Variants in TMEM117 observed in about 807,000 individuals in gnomAD.
TMEM117 encodes the protein transmembrane protein 117.
Under a neutral mutation model 52.4 loss-of-function variants are expected in TMEM117, and 27 were observed. The ratio of observed to expected loss-of-function variants is 0.51; its 90% CI spans 0.38 to 0.71. TMEM117 has a LOEUF of 0.71. TMEM117 is among the 30% of genes least tolerant of loss of function. TMEM117 has a pLI of 0.00. For synonymous variants in TMEM117, 215 were observed against 206.3 expected (o/e 1.04, Z -0.36); for missense variants, 556 against 630.5 (o/e 0.88, Z 1.26).
Position 44,153,473 on chromosome 12 carries a change from A to G in TMEM117, c.510+9849A>G, listed in dbSNP as rs531667822. Among the ~76,000 whole-genome samples, 224 of 152,114 alleles carry G rather than the reference A, an allele frequency of 1.5e-3. 2 individuals are homozygous for G. Among genetic ancestry groups the G allele is most frequent in the African/African-American group, 5.1e-3 (211 of 41,538 alleles). On this transcript the variant is annotated intron_variant, in intron 4 of 7. Coordinates refer to ENST00000266534, the MANE Select transcript of TMEM117 (RefSeq NM_032256.3). ...TTGTCATCAGATGGGGGAAGTGAGT[A>G]TATTTTTAGGCACGAAATGATATAA... is the stretch of plus-strand genomic sequence containing the variant.
rs1162680591 is a variant in TMEM117, at chr12:44,388,450, A to G, written c.1323A>G (p.Glu441=). The change falls in exon 8 of 8, where the codon GAA becomes GAG. Residue 441 remains glutamate (E), a synonymous_variant. Transcript: ENST00000266534. ...YTRMKRKSPS[E]HSKDMGITRE... is the part of the protein sequence containing the mutation. ...GCATGAAAAGAAAATCTCCATCAGA[A>G]CATAGCAAAGACATGGGAATCACTC... 6.2e-7 allele frequency: 1 copy of G among 1,613,346 alleles called. No homozygotes were observed. The highest frequency in any genetic ancestry group is 1.3e-5 in the African/African-American group (1 of 74,890).
In TMEM117 at chr12:43,877,731, T is replaced by C. The variant is rs939590343; in HGVS notation, c.277+32803T>C. On this transcript the variant is annotated intron_variant, in intron 2 of 7. Coordinates refer to ENST00000266534, the MANE Select transcript of TMEM117 (RefSeq NM_032256.3). Reference sequence around the variant, plus strand: ...TGAAATCAGTGTGAATGACCACATATAAGAAAAAGTTTGAATAAAATGTGG... The same window carrying C: ...TGAAATCAGTGTGAATGACCACATACAAGAAAAAGTTTGAATAAAATGTGG... Among the ~76,000 whole-genome samples, 4 of 151,988 alleles carry C rather than the reference T, an allele frequency of 2.6e-5. No homozygotes were observed. The South Asian group carries it at 6.2e-4, about 24-fold the overall frequency.
At chr12:43,837,904 G>A (rs1943058524) in intron 1 of TMEM117, among the ~76,000 whole-genome samples, 2 of 152,150 alleles carry the variant, frequency 1.3e-5, no homozygotes, top group South Asian at 4.1e-4. Flanking sequence ...TCACTTAAAG[G>A]TTGAGACAAT....
At chr12:44,351,937 C>T (rs559115030) in intron 6 of TMEM117, among the ~76,000 whole-genome samples, 15 of 151,956 alleles carry the variant, frequency 9.9e-5, no homozygotes, top group African/African-American at 3.1e-4. Context: ...ATCACCATGA[C>T]GTACCTTAAA....
chr12:44,374,372 C>G (rs967592473), intron 6 of TMEM117, among the ~76,000 whole-genome samples: 1 of 152,008 alleles, frequency 6.6e-6, no homozygotes, highest in African/African-American at 2.4e-5. Context: ...ATGAATGAGT[C>G]ATCATCTATT....
chr12:44,084,165 T>G (rs980157576), intron 3 of TMEM117, among the ~76,000 whole-genome samples: 2 of 152,116 alleles, frequency 1.3e-5, no homozygotes, highest in Non-Finnish European at 2.9e-5. Context: ...AAACTAAGAG[T>G]GATCCTTTAT....
chr12:44,008,736 C>T (rs1946242679), intron 3 of TMEM117: 6 of 413,814 alleles, frequency 1.4e-5, no homozygotes, highest in South Asian at 1.3e-4. Context: ...GGCAGTTCAC[C>T]TGTGTGGGTT....
chr12:43,876,673 C>A (rs1211986383), intron 2 of TMEM117, among the ~76,000 whole-genome samples: 1 of 152,128 alleles, frequency 6.6e-6, no homozygotes, highest in African/African-American at 2.4e-5. Context: ...TTTCTTCCTG[C>A]CTCATAGACA....
At chr12:44,101,618 G>C (rs536191448) in intron 3 of TMEM117, among the ~76,000 whole-genome samples, 2 of 151,952 alleles carry the variant, frequency 1.3e-5, no homozygotes, top group African/African-American at 2.4e-5. Flanking sequence ...AAACAAGCCT[G>C]GTCTTTCACT....
intron 2 of TMEM117, among the ~76,000 whole-genome samples, chr12:43,892,562 G>A (rs758400719): frequency 6.6e-5 from 10 of 152,172 alleles, no homozygotes; most frequent in Non-Finnish European, 1.3e-4. Flanking sequence ...TTTGCAAGCA[G>A]GCTTTTCTAA....
At chr12:44,130,115 C>A (rs989401564) in intron 3 of TMEM117, among the ~76,000 whole-genome samples, 3 of 151,976 alleles carry the variant, frequency 2.0e-5, no homozygotes, top group African/African-American at 7.3e-5. Context: ...AAAATAGTTA[C>A]CATTCGTTGA....
intron 3 of TMEM117, among the ~76,000 whole-genome samples, chr12:44,104,180 G>A (rs1056149706): frequency 6.6e-6 from 1 of 151,926 alleles, no homozygotes; most frequent in Non-Finnish European, 1.5e-5. Flanking sequence ...GGAATTGAAT[G>A]TAAATATTGT....
At chr12:43,799,801 T>G in the TMEM117 span, among the ~76,000 whole-genome samples, 1 of 152,126 alleles carries the variant, frequency 6.6e-6, no homozygotes. Flanking sequence ...ATAGGACAAC[T>G]GTAATTAACC....
chr12:44,126,098 T>C (rs1476036639), intron 3 of TMEM117, among the ~76,000 whole-genome samples: 1 of 152,210 alleles, frequency 6.6e-6, no homozygotes, highest in Non-Finnish European at 1.5e-5. Flanking sequence ...TCAGGTTTTT[T>C]TTTTCTTTGC....
chr12:43,808,902 C>A, the TMEM117 span, among the ~76,000 whole-genome samples: 1 of 151,280 alleles, frequency 6.6e-6, no homozygotes, highest in South Asian at 2.1e-4. Flanking sequence ...CGCAAGGTGA[C>A]CAATCTTATG....
At chr12:44,098,206 G>T (rs933043075) in intron 3 of TMEM117, among the ~76,000 whole-genome samples, 2 of 152,106 alleles carry the variant, frequency 1.3e-5, no homozygotes, top group Non-Finnish European at 2.9e-5. Context: ...GCCAGACAGA[G>T]GCTATAGTGA....
At chr12:43,819,016 A>G in the TMEM117 span, among the ~76,000 whole-genome samples, 1 of 152,198 alleles carries the variant, frequency 6.6e-6, no homozygotes, top group Admixed American at 6.5e-5. Flanking sequence ...TGATGCATAG[A>G]TTGAGAACAC....
chr12:44,199,803 C>T (rs1949469238), intron 4 of TMEM117, among the ~76,000 whole-genome samples: 1 of 152,120 alleles, frequency 6.6e-6, no homozygotes, highest in African/African-American at 2.4e-5. Context: ...GATGAAAAAT[C>T]TACCTACTAA....
chr12:44,121,031 G>A (rs575814468), intron 3 of TMEM117, among the ~76,000 whole-genome samples: 4 of 152,348 alleles, frequency 2.6e-5, no homozygotes, highest in Admixed American at 6.5e-5. Context: ...ATGGTGGAAG[G>A]TGAGAGGCAC....
Sources: gnomAD v4.1 joint callset for allele counts (sites outside exome capture counted in the v4.1 genomes callset) on GRCh38, gnomAD v4.1.1 for gene constraint, MANE v1.5 for transcripts, NCBI Gene and HGNC (gene_info 2026-07-23, HGNC 2026-07-21) for gene names.